CSMD3: variants seen among roughly 807,000 people sequenced by gnomAD.
The protein encoded by CSMD3 is CUB and Sushi multiple domains 3, also known as CUB and sushi domain-containing protein 3.
CSMD3 carries 177 observed loss-of-function variants against 435.2 expected under a neutral mutation model. The observed-to-expected ratio is 0.41, with a 90% CI of 0.36 to 0.46. CSMD3 has a LOEUF of 0.46. CSMD3 is among the 20% of genes least tolerant of loss of function. CSMD3 has a pLI of 0.34. For synonymous variants in CSMD3, 1,656 were observed against 1,520.5 expected (o/e 1.09, Z -2.07); for missense variants, 4,265 against 4,504.6 (o/e 0.95, Z 1.52).
intron 5 of CSMD3, among the ~76,000 whole-genome samples, chr8:113,039,039 T>C (rs1018397487): frequency 1.3e-5 from 2 of 152,322 alleles, no homozygotes; most frequent in African/African-American, 2.4e-5. Context: ...ATAAAATGTA[T>C]TTTAAAGCTG....
chr8:113,255,547 T>TC (rs1354252794), intron 3 of CSMD3, among the ~76,000 whole-genome samples: 1 of 152,080 alleles, frequency 6.6e-6, no homozygotes, highest in African/African-American at 2.4e-5. Flanking sequence ...GTTGCAACTC[T>TC]GAGTTGTACT....
intron 32 of CSMD3, among the ~76,000 whole-genome samples, chr8:112,415,548 C>T (rs1483294296): frequency 6.6e-6 from 1 of 152,206 alleles, no homozygotes; most frequent in East Asian, 1.9e-4. Context: ...CCCACTGGGG[C>T]ACTGCCTAGT....
At chr8:113,326,684 C>T (rs72670765) in intron 1 of CSMD3, among the ~76,000 whole-genome samples, 15,038 of 152,060 alleles carry the variant, frequency 0.099, 1,122 homozygotes, top group African/African-American at 0.2. Flanking sequence ...TACAAATTAT[C>T]TGCTACTATT....
intron 32 of CSMD3, among the ~76,000 whole-genome samples, chr8:112,458,988 C>T (rs1817149043): frequency 6.6e-6 from 1 of 152,010 alleles, no homozygotes; most frequent in Non-Finnish European, 1.5e-5. Context: ...TCACTCATCC[C>T]TACTATCTTC....
intron 13 of CSMD3, among the ~76,000 whole-genome samples, chr8:112,708,011 T>C (rs1022648444): frequency 1.3e-5 from 2 of 152,078 alleles, no homozygotes; most frequent in Non-Finnish European, 2.9e-5. Context: ...AGAAAATTAT[T>C]AGTTACATGA....
At chr8:112,580,538 G>GA (rs5894089) in intron 23 of CSMD3, among the ~76,000 whole-genome samples, 83,959 of 142,796 alleles carry the variant, frequency 0.59, 25,241 homozygotes, top group African/African-American at 0.74. Flanking sequence ...AAAGAGGTAG[G>GA]AAAAAAAAAA....
At chr8:113,112,667 G>A (rs2131603947) in intron 4 of CSMD3, among the ~76,000 whole-genome samples, 1 of 151,844 alleles carries the variant, frequency 6.6e-6, no homozygotes, top group South Asian at 2.1e-4. Context: ...AACAGTAAAA[G>A]GAGAGTTCTC....
At chr8:113,027,969 A>T (rs577773929) in intron 5 of CSMD3, among the ~76,000 whole-genome samples, 1 of 152,112 alleles carries the variant, frequency 6.6e-6, no homozygotes, top group Non-Finnish European at 1.5e-5. Context: ...GTTTGCATAG[A>T]ATTACAGGCA....
chr8:112,778,004 T>C (rs886935882), intron 13 of CSMD3, among the ~76,000 whole-genome samples: 1 of 151,944 alleles, frequency 6.6e-6, no homozygotes, highest in African/African-American at 2.4e-5. Context: ...TTTATAAATA[T>C]TTGTGGACAA....
intron 6 of CSMD3, among the ~76,000 whole-genome samples, chr8:112,985,530 C>G (rs2085223931): frequency 6.6e-6 from 1 of 152,120 alleles, no homozygotes; most frequent in African/African-American, 2.4e-5. Context: ...ACATGGACTA[C>G]AGGAGGGGTC....
At chr8:112,899,292 G>A (rs1283155381) in intron 10 of CSMD3, among the ~76,000 whole-genome samples, 4 of 150,502 alleles carry the variant, frequency 2.7e-5, no homozygotes, top group Non-Finnish European at 4.5e-5. Flanking sequence ...CAGAAAAAAG[G>A]CATTCATGGC....
intron 11 of CSMD3, among the ~76,000 whole-genome samples, chr8:112,837,711 C>G (rs1366166346): frequency 6.6e-6 from 1 of 151,584 alleles, no homozygotes; most frequent in East Asian, 1.9e-4. Context: ...CATTTGATTC[C>G]AAGATAAGAG....
chr8:113,406,871 T>A (rs2094535053), intron 1 of CSMD3, among the ~76,000 whole-genome samples: 1 of 152,100 alleles, frequency 6.6e-6, no homozygotes, highest in Non-Finnish European at 1.5e-5. Flanking sequence ...AGTGGAGAAC[T>A]GCAAGTGTTT....
chr8:112,840,417 G>A (rs2080146059), intron 11 of CSMD3, among the ~76,000 whole-genome samples: 1 of 151,630 alleles, frequency 6.6e-6, no homozygotes, highest in African/African-American at 2.4e-5. Context: ...ACCAGAAGCT[G>A]GAGAGAATAA....
chr8:113,095,480 C>A (rs149307625), intron 5 of CSMD3, among the ~76,000 whole-genome samples: 1 of 152,146 alleles, frequency 6.6e-6, no homozygotes, highest in Non-Finnish European at 1.5e-5. Context: ...ACCCAATGAC[C>A]TCTATGTTAT....
intron 10 of CSMD3, among the ~76,000 whole-genome samples, chr8:112,890,688 G>A (rs182305334): frequency 4.6e-4 from 70 of 151,720 alleles, no homozygotes; most frequent in Non-Finnish European, 6.3e-4. Flanking sequence ...TCACTATTAT[G>A]CGACTTTCAC....
rs1815733259 is a variant in CSMD3, at chr8:112,447,459, T to C, written c.5395+25132A>G. ...AATAACTCCTATCCCACAAATAAGA[T>C]CACTGTAGTTCCTGAAACTCAGTGC... On this transcript the variant is annotated intron_variant, in intron 32 of 70. Transcript: ENST00000297405. Among the ~76,000 whole-genome samples, 4 of 152,140 alleles carry C rather than the reference T, an allele frequency of 2.6e-5. No individual in the cohort carries two copies. The South Asian group carries it at 8.3e-4, about 31-fold the overall frequency.
chr8:112,510,859 G>A (rs549812772), intron 28 of CSMD3, among the ~76,000 whole-genome samples: 4 of 152,088 alleles, frequency 2.6e-5, no homozygotes, highest in East Asian at 3.9e-4. Flanking sequence ...ATTTCATAAC[G>A]TTTGTTGAAT....
chr8:112,346,636 A>G (rs1459144917), intron 40 of CSMD3, among the ~76,000 whole-genome samples: 1 of 147,672 alleles, frequency 6.8e-6, no homozygotes, highest in East Asian at 2.0e-4. Flanking sequence ...TGTATTCAAG[A>G]GGAAATCATT....
Sources: allele counts gnomAD v4.1 joint callset (sites outside exome capture counted in the v4.1 genomes callset), GRCh38; gene constraint gnomAD v4.1.1; transcripts MANE v1.5; gene names NCBI Gene and HGNC (gene_info 2026-07-23, HGNC 2026-07-21).